The following PSRC1 variants were observed in gnomAD, a reference collection of about 807,000 sequenced individuals.
PSRC1 encodes proline and serine rich coiled-coil 1, also known as proline/serine-rich coiled-coil protein 1.
Under a neutral mutation model 31.9 loss-of-function variants are expected in PSRC1, and 30 were observed. That is an observed-to-expected ratio of 0.94 (90% CI 0.70 to 1.28). The LOEUF (loss-of-function observed/expected upper bound fraction) is 1.28. PSRC1 is among the 50% of genes most tolerant of loss of function. The pLI, the probability that PSRC1 is intolerant of heterozygous loss-of-function variation, is 0.00. For synonymous variants in PSRC1, 191 were observed against 192.1 expected, an observed-to-expected ratio of 0.99 and a Z score of 0.05; for missense variants, 481 against 472.8, an observed-to-expected ratio of 1.02 and a Z score of -0.16.
chr1:109,282,987 T>A, intron 1 of PSRC1, 76 bp downstream of exon 1: 1 of 541,980 alleles, frequency 1.8e-6, no homozygotes, highest in Non-Finnish European at 3.3e-6. Context: ...CCCATCTTCC[T>A]CCCCGCCACT....
chr1:109,282,201 C>T, intron 3 of PSRC1, 141 bp from the exon 4 acceptor site: 1 of 769,582 alleles, frequency 1.3e-6, no homozygotes. Context: ...TGAGATGTGG[C>T]CTCTGGGCGA....
chr1:109,280,738 G>C, intron 5 of PSRC1, 39 bp downstream of exon 6: 1 of 1,494,088 alleles, frequency 6.7e-7, no homozygotes, highest in Non-Finnish European at 9.1e-7. Flanking sequence ...GTGAGGACAC[G>C]CTGGGCAAGG....
rs370409692 is a variant in PSRC1 at position 109,282,669 on chromosome 1, C to G, written c.19+11G>C. 686 of 1,562,436 alleles carry G rather than the reference C, an allele frequency of 4.4e-4. 1 individual carries two copies. Among genetic ancestry groups the G allele is most frequent in the Non-Finnish European group, 5.8e-4 (671 of 1,152,216 alleles). ...TCCTCCCTTTCATTCTTCCCTCCCTCCTTTCCTTACCTTCCTCCAAATCCT... is the reference window on the plus strand; with the variant it reads ...TCCTCCCTTTCATTCTTCCCTCCCTGCTTTCCTTACCTTCCTCCAAATCCT... On this transcript the variant is annotated intron_variant, in intron 2 of 6. Transcript: ENST00000409138.
exon 7 of PSRC1, chr1:109,279,697 C>G (rs1656730811): frequency 5.9e-6 from 1 of 169,534 alleles, no homozygotes; most frequent in African/African-American, 2.4e-5. Flanking sequence ...GCCACCTCTC[C>G]AAGCAGGCCA....
chr1:109,281,428 G>C (rs1212140971), intron 4 of PSRC1, 177 bp from the exon 5 acceptor site: 1 of 746,820 alleles, frequency 1.3e-6, no homozygotes, highest in African/African-American at 1.8e-5. Flanking sequence ...ACCATTTATT[G>C]AGTTTATCAT....
exon 5 of PSRC1, chr1:109,281,182 G>A (rs752055762): frequency 1.9e-6 from 3 of 1,613,720 alleles, no homozygotes; most frequent in Non-Finnish European, 2.5e-6. Flanking sequence ...CGGACTGGGG[G>A]AGTCGATCGG....
At chr1:109,280,454 C>G (rs1449244148) in exon 6 of PSRC1, 1 of 1,613,430 alleles carries the variant, frequency 6.2e-7, no homozygotes, top group Non-Finnish European at 8.5e-7. Context: ...CGAGTGGCAC[C>G]CATGACAGGA....
chr1:109,281,691 C>A (rs769494171), exon 4 of PSRC1: 1 of 1,614,092 alleles, frequency 6.2e-7, no homozygotes, highest in South Asian at 1.1e-5. Context: ...TATCATTACT[C>A]CGGAGTCGAG....
intron 4 of PSRC1, 117 bp from the exon 5 acceptor site, chr1:109,281,368 A>G: frequency 1.1e-6 from 1 of 926,914 alleles, no homozygotes; most frequent in Non-Finnish European, 1.6e-6. Flanking sequence ...GGAAGGGTAG[A>G]AGTTAGCTGC....
intron 5 of PSRC1, 32 bp from the exon 7 acceptor site, chr1:109,280,521 G>A (rs764226911): frequency 1.3e-6 from 2 of 1,567,098 alleles, no homozygotes; most frequent in Admixed American, 3.5e-5. Flanking sequence ...AAATGAGTTA[G>A]CAGCAAGTTT....
In PSRC1 at chr1:109,281,975, C is replaced by T. The variant is rs1657223979; in HGVS notation, c.163G>A (p.Val55Met). 6 of 1,531,680 alleles carry T rather than the reference C, an allele frequency of 3.9e-6. No homozygotes were observed. In the East Asian group the frequency reaches 1.4e-4, roughly 35 times the overall value. The allele number at this position is 1,531,680 out of a possible 1,614,324, so 94.9% of individuals were successfully genotyped here. A position where few individuals can be genotyped will look rare whatever the true frequency, so the allele number is the denominator to read the frequency against. ...CTCACACCCTGGGGGGCAGGTGCCA[C>T]TGCATTTGGGTCACTTCGGTGGGAG... The change falls in exon 4 of 7, where the codon GTG becomes ATG. Residue 55 changes from valine to methionine, a missense_variant. Coordinates refer to ENST00000409138, the Ensembl canonical transcript of PSRC1.
exon 5 of PSRC1, chr1:109,281,030 G>A: frequency 6.2e-7 from 1 of 1,601,964 alleles, no homozygotes; most frequent in Non-Finnish European, 8.5e-7. Flanking sequence ...GGACGGATCT[G>A]ATGGGGGTGG....
Position 109,281,260 on chromosome 1 carries a change from CAA to C in PSRC1, c.520-11_520-10del. 6.4e-7 allele frequency: 1 copy of C among 1,563,380 alleles called. No homozygotes were observed. The highest frequency in any genetic ancestry group is 8.7e-7 in the Non-Finnish European group (1 of 1,152,522). On this transcript the variant is annotated splice_polypyrimidine_tract_variant and intron_variant, in intron 4 of 6. Coordinates refer to ENST00000409138, the Ensembl canonical transcript of PSRC1. The stretch of plus-strand genomic sequence containing the variant: ...TTGCAAGTGGGTGACTCCTGAAACA[CAA>C]AGAGAGAGAGAAAAAAGACTAGAGT...
At position 109,280,175 on chromosome 1, in the gene PSRC1, T is replaced by C. The variant is rs574180721; in HGVS notation, c.1089-19A>G. 6.2e-7 allele frequency: 1 copy of C among 1,613,194 alleles called. No homozygotes were observed. The highest frequency in any genetic ancestry group is 1.3e-5 in the African/African-American group (1 of 74,916). ...TCTTTACCTAAAGAAATAGAAGGAATAACTGCTTTAAAATGCCCTTCTTCC... is the reference window on the plus strand; with the variant it reads ...TCTTTACCTAAAGAAATAGAAGGAACAACTGCTTTAAAATGCCCTTCTTCC... On this transcript the variant is annotated intron_variant, in intron 6 of 6. Transcript: ENST00000409138.
At chr1:109,281,113 A>C (rs370847517) in exon 5 of PSRC1, 3 of 1,613,338 alleles carry the variant, frequency 1.9e-6, no homozygotes, top group African/African-American at 1.3e-5. Flanking sequence ...CTCACCCGCA[A>C]CTTGGCTGCT....
chr1:109,280,751 G>A lies in PSRC1; in HGVS notation c.994+26C>T, dbSNP rs562216765. 52 of 1,521,954 alleles carry A rather than the reference G, an allele frequency of 3.4e-5. No individual in the cohort carries two copies. In the Admixed American group the frequency reaches 5.4e-4, roughly 16 times the overall value. 94.3% of individuals were successfully genotyped at this position (1,521,954 alleles called of 1,614,324 possible). Reference sequence around the variant, plus strand: ...GGGTGAGGACACGCTGGGCAAGGGCGGGCATTCTTCCTCCTGACCTCTTAC... The same window carrying A: ...GGGTGAGGACACGCTGGGCAAGGGCAGGCATTCTTCCTCCTGACCTCTTAC... On this transcript the variant is annotated intron_variant, in intron 5 of 6. Coordinates refer to ENST00000409138, the Ensembl canonical transcript of PSRC1.
rs993382434 is a variant in PSRC1 at position 109,280,498 on chromosome 1, G to C, written c.995-9C>G. On this transcript the variant is annotated splice_polypyrimidine_tract_variant and intron_variant, in intron 5 of 6. Transcript: ENST00000409138. The stretch of plus-strand genomic sequence containing the variant: ...TCGCTGGGAAACAGGAACTTCATGG[G>C]GGTTAACAAAAGAAATGAGTTAGCA... 1.2e-6 allele frequency: 2 copies of C among 1,603,878 alleles called. No homozygotes were observed. Among genetic ancestry groups the C allele is most frequent in the African/African-American group, 2.7e-5 (2 of 74,328 alleles).
intron 5 of PSRC1, 81 bp from the exon 7 acceptor site, chr1:109,280,570 G>C: frequency 8.2e-7 from 1 of 1,223,122 alleles, no homozygotes; most frequent in Non-Finnish European, 1.2e-6. Context: ...AAGGGAGCGA[G>C]TGTGGGATTA....
intron 6 of PSRC1, 75 bp from the exon 8 acceptor site, chr1:109,280,231 A>G: frequency 1.3e-6 from 2 of 1,568,506 alleles, no homozygotes; most frequent in South Asian, 1.1e-5. Context: ...GCAGAATTCA[A>G]GCTCCTCAGG....
Sources: allele counts gnomAD v4.1 joint callset, GRCh38; gene constraint gnomAD v4.1.1; transcripts MANE v1.5; gene names NCBI Gene and HGNC (gene_info 2026-07-23, HGNC 2026-07-21).